Variants in PCDHGA4 observed in about 807,000 individuals in gnomAD.
The protein encoded by PCDHGA4 is protocadherin gamma-A4.
PCDHGA4 carries 38 observed loss-of-function variants against 54.6 expected under a neutral mutation model. The ratio of observed to expected loss-of-function variants is 0.70; its 90% confidence interval spans 0.54 to 0.91. The LOEUF (loss-of-function observed/expected upper bound fraction) is 0.91, where lower values mean the gene tolerates loss of function less well. Among genes scored for constraint, PCDHGA4 ranks in the 40% least tolerant of loss-of-function variants. The pLI is 0.00. For missense variants in PCDHGA4, 1,298 were observed against 1,220.9 expected, an observed-to-expected ratio of 1.06 and a Z score of -0.94; for synonymous variants, 511 against 512.9, an observed-to-expected ratio of 1.00 and a Z score of 0.05.
intron 1 of PCDHGA4, chr5:141,387,791 A>G: frequency 4.0e-6 from 6 of 1,492,120 alleles, no homozygotes; most frequent in Non-Finnish European, 4.5e-6. Flanking sequence ...AACTGCAACT[A>G]AAGTCCGTTC....
intron 1 of PCDHGA4, chr5:141,392,967 C>A (rs1442170331): frequency 1.2e-6 from 2 of 1,613,766 alleles, no homozygotes; most frequent in African/African-American, 2.7e-5. Context: ...CTCCAAGGAC[C>A]TGGGGCTGGA....
intron 1 of PCDHGA4, chr5:141,378,481 C>A (rs975283855): frequency 6.6e-6 from 1 of 152,178 alleles, no homozygotes; most frequent in East Asian, 1.9e-4. Flanking sequence ...CAAGATCGTG[C>A]CACTGCACTC....
intron 1 of PCDHGA4, among the ~76,000 whole-genome samples, chr5:141,386,536 GTGT>G (rs1561611759): frequency 6.6e-6 from 1 of 151,656 alleles, no homozygotes; most frequent in African/African-American, 2.4e-5. Flanking sequence ...TTTTAGACTA[GTGT>G]TGTATTTGGT....
Position 141,432,082 on chromosome 5 carries a change from C to G in PCDHGA4, c.2515-62725C>G. The G allele has an allele frequency of 1.2e-6, 2 of 1,614,184 alleles. No individual in the cohort carries two copies. The highest frequency in any genetic ancestry group is 1.7e-6 in the Non-Finnish European group (2 of 1,180,028). On this transcript the variant is annotated intron_variant, in intron 1 of 3. Coordinates refer to ENST00000571252, the MANE Select transcript of PCDHGA4 (RefSeq NM_018917.4). This position sits in a 1 kb window ranked among gnomAD's most constrained non-coding sequence, Gnocchi z 6.0. Reference sequence around the variant, plus strand: ...CCACGGAAACTCATATCTCGCTGAACGTGGCAGACACCAACGACAACCCGC... The same window carrying G: ...CCACGGAAACTCATATCTCGCTGAAGGTGGCAGACACCAACGACAACCCGC...
chr5:141,381,355 C>A (rs1431564536), intron 1 of PCDHGA4, among the ~76,000 whole-genome samples: 1 of 152,222 alleles, frequency 6.6e-6, no homozygotes, highest in Non-Finnish European at 1.5e-5. Flanking sequence ...TTTCTGCTAG[C>A]AGAGGGTAGC....
intron 1 of PCDHGA4, among the ~76,000 whole-genome samples, chr5:141,482,257 T>C (rs2099555476): frequency 1.3e-5 from 2 of 152,156 alleles, no homozygotes; most frequent in Admixed American, 1.3e-4. Context: ...ACTGTACATA[T>C]TAGTTGTTTA....
rs183968443 is a variant in PCDHGA4 at position 141,495,033 on chromosome 5, G to A, written c.2573+168G>A. On this transcript the variant is annotated intron_variant, in intron 2 of 3. Coordinates refer to ENST00000571252, the MANE Select transcript of PCDHGA4 (RefSeq NM_018917.4). ...GGGGCTGGCACACAGACCCCGGAAG[G>A]AAGAGGCGACTGCCCTGACTGTTCA... is the stretch of plus-strand genomic sequence containing the variant. 1.4e-3 allele frequency: 1,380 copies of A among 968,234 alleles called. 4 individuals are homozygous for A. Among genetic ancestry groups the A allele is most frequent in the Middle Eastern group, 5.3e-3 (10 of 1,888 alleles). 60.0% of individuals were successfully genotyped at this position (968,234 alleles called of 1,614,324 possible).
At position 141,491,462 on chromosome 5, in the gene PCDHGA4, T is replaced by C; in HGVS notation, c.2515-3345T>C. 1.2e-6 allele frequency: 2 copies of C among 1,614,004 alleles called. No individual in the cohort carries two copies. The highest frequency in any genetic ancestry group is 1.7e-6 in the Non-Finnish European group (2 of 1,179,978). ...CGCCAGGACTCACCCTCCCCGGACT[T>C]CTATAAGCAGTCCAGCCCCAACCTG... On this transcript the variant is annotated intron_variant, in intron 1 of 3. Coordinates refer to ENST00000571252, the MANE Select transcript of PCDHGA4 (RefSeq NM_018917.4). This position sits in a 1 kb window ranked among gnomAD's most constrained non-coding sequence, Gnocchi z 6.9.
At position 141,487,641 on chromosome 5, in the gene PCDHGA4, T is replaced by C. The variant is rs1343702532; in HGVS notation, c.2515-7166T>C. The stretch of plus-strand genomic sequence containing the variant: ...GTGAGACCTTTGCAGGCTCAACAAA[T>C]GCTTGAGGGTTATTCTGATCCAGGC... On this transcript the variant is annotated intron_variant, in intron 1 of 3. Coordinates refer to ENST00000571252, the MANE Select transcript of PCDHGA4 (RefSeq NM_018917.4). The surrounding 1 kb of genome is among the most constrained non-coding windows in gnomAD (Gnocchi z 5.0). The C allele has an allele frequency of 6.2e-7, 1 of 1,614,122 alleles. No individual in the cohort carries two copies. Among genetic ancestry groups the C allele is most frequent in the Non-Finnish European group, 8.5e-7 (1 of 1,179,998 alleles).
At chr5:141,430,076 T>C (rs2097260023) in intron 1 of PCDHGA4, among the ~76,000 whole-genome samples, 1 of 152,208 alleles carries the variant, frequency 6.6e-6, no homozygotes, top group South Asian at 2.1e-4. Context: ...GTTTCCATAA[T>C]ATCATGAAAA....
At chr5:141,388,278 A>C (rs769879098) in intron 1 of PCDHGA4, 2 of 1,613,384 alleles carry the variant, frequency 1.2e-6, no homozygotes, top group African/African-American at 2.7e-5. Context: ...CCACACGCCA[A>C]AATTCACGCA....
chr5:141,362,737 C>T, intron 1 of PCDHGA4: 1 of 746,916 alleles, frequency 1.3e-6, no homozygotes. Context: ...GATTTATTTA[C>T]CCATGATTGC....
At chr5:141,397,255 T>C (rs1471539186) in intron 1 of PCDHGA4, among the ~76,000 whole-genome samples, 2 of 152,214 alleles carry the variant, frequency 1.3e-5, no homozygotes, top group Admixed American at 6.5e-5. Flanking sequence ...GGGTATATCA[T>C]TTCTTAGCTA....
intron 1 of PCDHGA4, chr5:141,382,739 G>C (rs1005950630): frequency 5.2e-6 from 3 of 573,658 alleles, no homozygotes; most frequent in Non-Finnish European, 5.9e-6. Context: ...ACAGAGAAAC[G>C]ACAGATTGCG....
chr5:141,410,185 T>A lies in PCDHGA4; in HGVS notation c.2514+52564T>A, dbSNP rs373680185. 10 of 1,613,812 alleles carry A rather than the reference T, an allele frequency of 6.2e-6. No individual in the cohort carries two copies. The African/African-American group carries it at 1.3e-4, about 22-fold the overall frequency. On this transcript the variant is annotated intron_variant, in intron 1 of 3. Transcript: ENST00000571252. ...CACTCTCTGCCACCGCCACGCTTCA[T>A]CTGGTCTTCGCAGACAACTTGCAAG...
Position 141,365,210 on chromosome 5 carries a change from C to T in PCDHGA4, c.2514+7589C>T, listed in dbSNP as rs376872993. 14 of 1,613,810 alleles carry T rather than the reference C, an allele frequency of 8.7e-6. No homozygotes were observed. The African/African-American group carries it at 1.3e-4, about 15-fold the overall frequency. On this transcript the variant is annotated intron_variant, in intron 1 of 3. Coordinates refer to ENST00000571252, the MANE Select transcript of PCDHGA4 (RefSeq NM_018917.4). ...AGAAAAAATTTCGGAGACTTTCCAA[C>T]TTGATTCCAACCTGGGGGAAATCTC...
intron 1 of PCDHGA4, chr5:141,395,106 A>G: frequency 3.1e-6 from 5 of 1,614,150 alleles, no homozygotes; most frequent in Admixed American, 3.3e-5. Flanking sequence ...CGACTCGCGG[A>G]AGAGTCACCT....
intron 1 of PCDHGA4, among the ~76,000 whole-genome samples, chr5:141,492,922 T>C (rs1191111432): frequency 1.3e-5 from 2 of 152,194 alleles, no homozygotes; most frequent in Non-Finnish European, 2.9e-5. Context: ...TGCCCAGCGA[T>C]CTAGGGTCAG....
At position 141,489,094 on chromosome 5, in the gene PCDHGA4, G is replaced by GAAA. The variant is rs2154581134; in HGVS notation, c.2515-5711_2515-5710insAAA. On this transcript the variant is annotated intron_variant, in intron 1 of 3. Coordinates refer to ENST00000571252, the MANE Select transcript of PCDHGA4 (RefSeq NM_018917.4). The surrounding 1 kb of genome is among the most constrained non-coding windows in gnomAD (Gnocchi z 4.5). ...CCCACCCCCGCCACTCGGTGACTAA[G>GAAA]AACTGCTGCAAGCAGGCAAACCTCC... The GAAA allele has an allele frequency of 5.1e-6, 2 of 396,028 alleles. No homozygotes were observed. Among genetic ancestry groups the GAAA allele is most frequent in the South Asian group, 4.8e-5 (1 of 20,814 alleles). The allele number at this position is 396,028 out of a possible 1,614,324, so 24.5% of individuals were successfully genotyped here.
Sources: gnomAD v4.1 joint callset for allele counts (sites outside exome capture counted in the v4.1 genomes callset) on GRCh38, gnomAD v4.1.1 for gene constraint, Gnocchi (gnomAD v3.1) non-coding constraint, MANE v1.5 for transcripts, NCBI Gene and HGNC (gene_info 2026-07-23, HGNC 2026-07-21) for gene names.